Variants in CSGALNACT1 observed in about 807,000 individuals in gnomAD.
CSGALNACT1 encodes the protein beta4GalNAcT-1.
CSGALNACT1 carries 52 observed loss-of-function variants against 51.0 expected under a neutral mutation model. The ratio of observed to expected loss-of-function variants is 1.02; its 90% CI spans 0.82 to 1.29. The LOEUF (loss-of-function observed/expected upper bound fraction) is 1.29, where lower values mean the gene tolerates loss of function less well. Among genes scored for constraint, CSGALNACT1 ranks in the 50% most tolerant of loss-of-function variants. The pLI, the probability that CSGALNACT1 is intolerant of heterozygous loss-of-function variation, is 0.00. For missense variants in CSGALNACT1, 935 were observed against 679.2 expected (o/e 1.38, Z -4.19); for synonymous variants, 341 against 254.4 (o/e 1.34, Z -3.24).
chr8:19,586,344 G>A (rs1022290377), intron 3 of CSGALNACT1, among the ~76,000 whole-genome samples: 1 of 150,206 alleles, frequency 6.7e-6, no homozygotes, highest in Non-Finnish European at 1.5e-5. Context: ...GGGCAACAGA[G>A]CAAGACTCCA....
chr8:19,525,615 C>CAAA (rs34787475), intron 3 of CSGALNACT1, among the ~76,000 whole-genome samples: 746 of 20,404 alleles, frequency 0.037, 177 homozygotes, highest in Non-Finnish European at 0.047. Context: ...AAACTTGTCC[C>CAAA]AAAAAAAAAA....
chr8:19,534,541 G>A (rs943316744), intron 3 of CSGALNACT1, among the ~76,000 whole-genome samples: 3 of 152,130 alleles, frequency 2.0e-5, no homozygotes, highest in Non-Finnish European at 4.4e-5. Context: ...TGCTGTAGAT[G>A]GTGGTGCACA....
At chr8:19,425,058 C>T (rs531153120) in intron 6 of CSGALNACT1, among the ~76,000 whole-genome samples, 94 of 152,310 alleles carry the variant, frequency 6.2e-4, no homozygotes, top group African/African-American at 2.0e-3. Flanking sequence ...AGACTGTTCT[C>T]CTGACCAGGT....
At chr8:19,537,103 C>G (rs1563948716) in intron 3 of CSGALNACT1, among the ~76,000 whole-genome samples, 1 of 152,166 alleles carries the variant, frequency 6.6e-6, no homozygotes, top group Non-Finnish European at 1.5e-5. Context: ...CTCAGTATGT[C>G]CCTTCCTTAT....
intron 1 of CSGALNACT1, among the ~76,000 whole-genome samples, chr8:19,633,211 T>C (rs1589160847): frequency 6.6e-6 from 1 of 152,152 alleles, no homozygotes; most frequent in Non-Finnish European, 1.5e-5. Flanking sequence ...CCCCAGGTCG[T>C]CGGTGAATCT....
chr8:19,486,102 A>G (rs1489965529), intron 4 of CSGALNACT1, among the ~76,000 whole-genome samples: 10 of 151,806 alleles, frequency 6.6e-5, no homozygotes, highest in Admixed American at 6.6e-4. Context: ...TGTAAATACT[A>G]AACCTCCTGA....
chr8:19,462,943 A>G (rs1386985091), intron 4 of CSGALNACT1, among the ~76,000 whole-genome samples: 1 of 152,068 alleles, frequency 6.6e-6, no homozygotes, highest in East Asian at 1.9e-4. Context: ...CATAGTACCC[A>G]ATAGGTGGTT....
intron 1 of CSGALNACT1, among the ~76,000 whole-genome samples, chr8:19,621,881 A>G (rs115023741): frequency 6.8e-4 from 103 of 152,328 alleles, no homozygotes; most frequent in African/African-American, 2.4e-3. Flanking sequence ...ATATGAGAAT[A>G]TTTTCCACAA....
At chr8:19,543,872 C>G (rs977005572) in intron 3 of CSGALNACT1, among the ~76,000 whole-genome samples, 8 of 152,066 alleles carry the variant, frequency 5.3e-5, no homozygotes, top group African/African-American at 1.9e-4. Flanking sequence ...GAAACAAGTC[C>G]AAAAACAAAA....
intron 3 of CSGALNACT1, among the ~76,000 whole-genome samples, chr8:19,582,142 C>T (rs999580889): frequency 7.2e-5 from 11 of 152,142 alleles, no homozygotes; most frequent in African/African-American, 2.7e-4. Flanking sequence ...TTGGCCCTTT[C>T]TCAGGAGGGC....
chr8:19,499,486 G>A (rs755387120), intron 4 of CSGALNACT1, among the ~76,000 whole-genome samples: 20 of 152,004 alleles, frequency 1.3e-4, no homozygotes, highest in Non-Finnish European at 2.2e-4. Flanking sequence ...AACAAATAAC[G>A]TTTTTTTCCC....
chr8:19,677,842 G>A (rs550886325), intron 1 of CSGALNACT1, among the ~76,000 whole-genome samples: 1 of 152,100 alleles, frequency 6.6e-6, no homozygotes, highest in Non-Finnish European at 1.5e-5. Flanking sequence ...AATTTTTAGG[G>A]AATGTTAAAG....
At chr8:19,505,405 C>T (rs748424628) in exon 4 of CSGALNACT1, 4 of 1,614,202 alleles carry the variant, frequency 2.5e-6, no homozygotes, top group Non-Finnish European at 1.7e-6. Flanking sequence ...GGCACTGCTG[C>T]ATACTCTGTG....
At chr8:19,703,304 T>G (rs2061981715) in intron 1 of CSGALNACT1, among the ~76,000 whole-genome samples, 2 of 152,086 alleles carry the variant, frequency 1.3e-5, no homozygotes, top group Non-Finnish European at 2.9e-5. Context: ...TCTCTTGGTT[T>G]GTTGGTTGGT....
At chr8:19,487,995 T>C (rs2073395712) in intron 4 of CSGALNACT1, among the ~76,000 whole-genome samples, 1 of 152,130 alleles carries the variant, frequency 6.6e-6, no homozygotes, top group Non-Finnish European at 1.5e-5. Flanking sequence ...TCACCTCACA[T>C]ACTGTAAGCA....
intron 3 of CSGALNACT1, among the ~76,000 whole-genome samples, chr8:19,559,265 T>C (rs971829879): frequency 2.6e-5 from 4 of 152,186 alleles, no homozygotes; most frequent in South Asian, 2.1e-4. Context: ...GCAGAAAATA[T>C]AGCTGATAAA....
intron 4 of CSGALNACT1, among the ~76,000 whole-genome samples, chr8:19,499,025 G>C (rs937515000): frequency 6.6e-6 from 1 of 152,172 alleles, no homozygotes; most frequent in African/African-American, 2.4e-5. Flanking sequence ...CGAGGTGGAG[G>C]AATCACTTGA....
intron 7 of CSGALNACT1, 119 bp downstream of exon 6, chr8:19,420,221 T>A (rs1207210535): frequency 3.3e-6 from 3 of 920,098 alleles, no homozygotes; most frequent in Admixed American, 1.8e-5. Context: ...TCTTTGCTAT[T>A]GAAGTAAAAC....
chr8:19,756,647 G>A (rs1018270392), intron 1 of CSGALNACT1, among the ~76,000 whole-genome samples: 5 of 150,186 alleles, frequency 3.3e-5, no homozygotes, highest in African/African-American at 9.9e-5. Flanking sequence ...GGGCATGTTC[G>A]GGCAGCGGTG....
Sources: gnomAD v4.1 joint callset for allele counts (sites outside exome capture counted in the v4.1 genomes callset) on GRCh38, gnomAD v4.1.1 for gene constraint, MANE v1.5 for transcripts, NCBI Gene and HGNC (gene_info 2026-07-23, HGNC 2026-07-21) for gene names.